Variants in PPP1R9A observed in about 807,000 individuals in gnomAD.
The protein encoded by PPP1R9A is protein phosphatase 1 regulatory subunit 9A, also known as neurabin-1.
PPP1R9A carries 59 observed loss-of-function variants against 141.9 expected under a neutral mutation model. The ratio of observed to expected loss-of-function variants is 0.42; its 90% CI spans 0.34 to 0.52. PPP1R9A has a LOEUF of 0.52. Ranked by LOEUF, PPP1R9A falls within the 20% of genes least tolerant of loss-of-function variation. The pLI is 0.10. For synonymous variants in PPP1R9A, 500 were observed against 569.7 expected (o/e 0.88, Z 1.74); for missense variants, 1,444 against 1,611.9 (o/e 0.90, Z 1.78).
chr7:95,196,841 C>T (rs1014205650), intron 5 of PPP1R9A, among the ~76,000 whole-genome samples: 6 of 151,970 alleles, frequency 3.9e-5, no homozygotes, highest in East Asian at 3.9e-4. Flanking sequence ...GGTAATTACG[C>T]GTTTACATAT....
chr7:95,230,829 C>A (rs1795818282), intron 8 of PPP1R9A, among the ~76,000 whole-genome samples: 1 of 152,110 alleles, frequency 6.6e-6, no homozygotes, highest in South Asian at 2.1e-4. Context: ...CTCACAGGAC[C>A]TTTATAACAA....
Position 95,291,491 on chromosome 7 carries a change from A to C in PPP1R9A, c.*1188A>C, listed in dbSNP as rs1336447883. Reference sequence around the variant, plus strand: ...AAAAAGTTTGTTTAAGGCAGTGCATAGGTATACTTTAGTAGTGGAGGAACT... The same window carrying C: ...AAAAAGTTTGTTTAAGGCAGTGCATCGGTATACTTTAGTAGTGGAGGAACT... On this transcript the variant is annotated 3_prime_UTR_variant, in exon 20 of 20. Transcript: ENST00000433360. 1 of 152,220 alleles carries C rather than the reference A, an allele frequency of 6.6e-6. No homozygotes were observed. Among genetic ancestry groups the C allele is most frequent in the African/African-American group, 2.4e-5 (1 of 41,450 alleles). 9.4% of individuals were successfully genotyped at this position (152,220 alleles called of 1,614,324 possible). A position where few individuals can be genotyped will look rare whatever the true frequency, so the allele number is the denominator to read the frequency against.
intron 2 of PPP1R9A, among the ~76,000 whole-genome samples, chr7:95,069,218 A>G (rs115735132): frequency 7.3e-4 from 111 of 152,316 alleles, no homozygotes; most frequent in African/African-American, 2.5e-3. Flanking sequence ...TGAGGAGGAT[A>G]GTGTGTGTAT....
intron 2 of PPP1R9A, among the ~76,000 whole-genome samples, chr7:94,966,917 A>G (rs1293100965): frequency 6.6e-6 from 1 of 152,148 alleles, no homozygotes; most frequent in Admixed American, 6.5e-5. Flanking sequence ...TACCTTTGGT[A>G]GCATTTGGCT....
intron 2 of PPP1R9A, among the ~76,000 whole-genome samples, chr7:94,963,928 T>C (rs1345430353): frequency 6.6e-6 from 1 of 152,158 alleles, no homozygotes; most frequent in Non-Finnish European, 1.5e-5. Context: ...GCCATTTTAT[T>C]ACCCTTTGTC....
intron 2 of PPP1R9A, among the ~76,000 whole-genome samples, chr7:94,946,137 C>T (rs140338440): frequency 2.0e-5 from 3 of 151,974 alleles, no homozygotes; most frequent in Admixed American, 2.0e-4. Context: ...TTGGTATTTC[C>T]AGCATTTTAT....
chr7:95,273,750 G>A (rs1802623396), intron 14 of PPP1R9A, 149 bp from the exon 15 acceptor site: 3 of 741,978 alleles, frequency 4.0e-6, no homozygotes, highest in East Asian at 2.7e-5. Context: ...ATGTAACTGT[G>A]TCTCCTAGGT....
At chr7:95,117,087 A>T (rs1457992194) in intron 3 of PPP1R9A, among the ~76,000 whole-genome samples, 1 of 152,218 alleles carries the variant, frequency 6.6e-6, no homozygotes, top group Non-Finnish European at 1.5e-5. Context: ...GGCTTGTGGC[A>T]GGAGAGTCTT....
chr7:95,244,908 T>A (rs1797916295), intron 8 of PPP1R9A, among the ~76,000 whole-genome samples: 1 of 152,200 alleles, frequency 6.6e-6, no homozygotes. Flanking sequence ...TATAAGGAAC[T>A]GAATTTTACA....
chr7:95,058,429 C>T (rs1445128624), intron 2 of PPP1R9A, among the ~76,000 whole-genome samples: 1 of 151,920 alleles, frequency 6.6e-6, no homozygotes, highest in African/African-American at 2.4e-5. Flanking sequence ...GTAATTTGAA[C>T]CAAGTAAATG....
chr7:95,097,274 C>T (rs1195182004), intron 2 of PPP1R9A, among the ~76,000 whole-genome samples: 1 of 152,176 alleles, frequency 6.6e-6, no homozygotes, highest in African/African-American at 2.4e-5. Context: ...GATGCGCCCA[C>T]CTTGGCCTCC....
At chr7:95,097,623 A>G (rs1818217186) in intron 2 of PPP1R9A, among the ~76,000 whole-genome samples, 1 of 152,262 alleles carries the variant, frequency 6.6e-6, no homozygotes, top group South Asian at 2.1e-4. Flanking sequence ...AAAGTTTTGA[A>G]GTACAATATG....
chr7:95,010,889 T>C (rs1378145503), intron 2 of PPP1R9A, among the ~76,000 whole-genome samples: 1 of 152,192 alleles, frequency 6.6e-6, no homozygotes, highest in Admixed American at 6.6e-5. Flanking sequence ...CTGCATTTAG[T>C]TGCAGATGTT....
chr7:95,233,660 C>T (rs979236559), intron 8 of PPP1R9A, among the ~76,000 whole-genome samples: 8 of 152,112 alleles, frequency 5.3e-5, no homozygotes, highest in Non-Finnish European at 8.8e-5. Flanking sequence ...AAGAGGGAAT[C>T]CTTCCTAAAT....
At chr7:95,111,533 T>C in intron 3 of PPP1R9A, 142 bp downstream of exon 3, 5 of 903,412 alleles carry the variant, frequency 5.5e-6, no homozygotes, top group South Asian at 1.9e-5. Context: ...GTTTCAAAAA[T>C]AGTTGATATG....
At chr7:94,922,986 G>GA (rs879498138) in intron 2 of PPP1R9A, among the ~76,000 whole-genome samples, 3 of 151,928 alleles carry the variant, frequency 2.0e-5, no homozygotes, top group Admixed American at 6.6e-5. Context: ...ACATGTCACA[G>GA]AAAAAAAATT....
At chr7:95,226,935 A>G (rs961001057) in intron 8 of PPP1R9A, among the ~76,000 whole-genome samples, 4 of 152,210 alleles carry the variant, frequency 2.6e-5, no homozygotes, top group East Asian at 1.9e-4. Context: ...CAGTTTATCT[A>G]TCCTTCATTG....
At chr7:95,069,594 G>C (rs1181386882) in intron 2 of PPP1R9A, among the ~76,000 whole-genome samples, 1 of 152,068 alleles carries the variant, frequency 6.6e-6, no homozygotes, top group Non-Finnish European at 1.5e-5. Context: ...CATTGTATTT[G>C]TTTGCAGTTA....
chr7:95,175,242 G>A (rs10277211), intron 5 of PPP1R9A, among the ~76,000 whole-genome samples: 1,805 of 145,130 alleles, frequency 0.012, 21 homozygotes, highest in Middle Eastern at 0.028. Flanking sequence ...ATCATAGTAC[G>A]GATCAATAAC....
Sources: gnomAD v4.1 joint callset for allele counts (sites outside exome capture counted in the v4.1 genomes callset) on GRCh38, gnomAD v4.1.1 for gene constraint, MANE v1.5 for transcripts, NCBI Gene and HGNC (gene_info 2026-07-23, HGNC 2026-07-21) for gene names.